PDZRN4: variants seen among roughly 807,000 people sequenced by gnomAD.
PDZRN4 encodes PDZ domain containing ring finger 4.
PDZRN4 carries 70 observed loss-of-function variants against 99.0 expected under a neutral mutation model. The ratio of observed to expected loss-of-function variants is 0.71; its 90% CI spans 0.58 to 0.86. PDZRN4 has a LOEUF of 0.86. PDZRN4 is among the 40% of genes least tolerant of loss of function. The pLI, the probability that PDZRN4 is intolerant of heterozygous loss-of-function variation, is 0.00. For missense variants in PDZRN4, 1,474 were observed against 1,331.2 expected, an observed-to-expected ratio of 1.11 and a Z score of -1.67; for synonymous variants, 551 against 501.6, an observed-to-expected ratio of 1.10 and a Z score of -1.32.
rs10580466 is a variant in PDZRN4 at position 41,520,619 on chromosome 12, GACACACACAC to G, written c.1203+10742_1203+10751del. ...TTTCCAGTAAACATGCCTAAATACA[GACACACACAC>G]ACACACACACACACACACACACACA... On this transcript the variant is annotated intron_variant, in intron 5 of 9. Transcript: ENST00000402685. Among the ~76,000 whole-genome samples, 1,574 of 137,358 alleles carry G rather than the reference GACACACACAC, an allele frequency of 0.011. 47 individuals are homozygous for G. The East Asian group carries it at 0.14, about 12-fold the overall frequency. 90.1% of individuals were successfully genotyped at this position (137,358 alleles called of 152,430 possible).
intron 8 of PDZRN4, among the ~76,000 whole-genome samples, chr12:41,565,286 C>T (rs1284861601): frequency 1.3e-5 from 2 of 151,852 alleles, no homozygotes; most frequent in East Asian, 1.9e-4. Flanking sequence ...CTGCATTAGC[C>T]CCTTGATCCT....
intron 5 of PDZRN4, among the ~76,000 whole-genome samples, chr12:41,541,834 T>C (rs746114321): frequency 2.0e-5 from 3 of 152,236 alleles, no homozygotes; most frequent in Non-Finnish European, 4.4e-5. Flanking sequence ...CTTTTATCCC[T>C]GACAATCCTC....
rs192670518 is a variant in PDZRN4 at position 41,506,470 on chromosome 12, T to A, written c.858T>A (p.Asp286Glu). 8.1e-6 allele frequency: 13 copies of A among 1,612,244 alleles called. No individual in the cohort carries two copies. The highest frequency in any genetic ancestry group is 1.7e-6 in the Non-Finnish European group (2 of 1,179,062). Residue 286 changes from aspartate (D) to glutamate (E), a missense_variant, in exon 4 of 10, where the codon GAT becomes GAA. Asp to Glu is a conservative substitution (Grantham distance 45). Coordinates refer to ENST00000402685, the MANE Select transcript of PDZRN4 (RefSeq NM_001164595.2). ...HDKIMEVNGK[D>E]LSKATHEEAV... ...TATGTTTGTAGGTCAATGGGAAGGA[T>A]CTTTCAAAGGCCACTCATGAAGAGG... is the stretch of plus-strand genomic sequence containing the variant.
chr12:41,210,956 T>A (rs187034529), intron 3 of PDZRN4, among the ~76,000 whole-genome samples: 112 of 152,140 alleles, frequency 7.4e-4, no homozygotes, highest in African/African-American at 2.5e-3. Context: ...TTTATAGCTC[T>A]TCTCTCTAAG....
chr12:41,307,976 A>G (rs1308633632), intron 3 of PDZRN4, among the ~76,000 whole-genome samples: 3 of 152,148 alleles, frequency 2.0e-5, no homozygotes, highest in African/African-American at 7.2e-5. Context: ...GCTTAGGTTA[A>G]GTACTTTTCT....
chr12:41,544,892 C>T (rs1292449293), intron 5 of PDZRN4, among the ~76,000 whole-genome samples: 1 of 152,102 alleles, frequency 6.6e-6, no homozygotes, highest in African/African-American at 2.4e-5. Context: ...ATCCCAACTC[C>T]ACTTTTGACT....
intron 3 of PDZRN4, among the ~76,000 whole-genome samples, chr12:41,352,048 T>TAGGA (rs1419122718): frequency 6.6e-6 from 1 of 151,054 alleles, no homozygotes; most frequent in Non-Finnish European, 1.5e-5. Flanking sequence ...AGCTGGGAAA[T>TAGGA]AAATAGCATG....
chr12:41,469,377 G>A (rs1952963586), intron 3 of PDZRN4, among the ~76,000 whole-genome samples: 1 of 152,156 alleles, frequency 6.6e-6, no homozygotes, highest in Non-Finnish European at 1.5e-5. Context: ...CTTACCCTAT[G>A]TGAATCTTAC....
chr12:41,274,000 G>T (rs1951333261), intron 3 of PDZRN4, among the ~76,000 whole-genome samples: 1 of 151,982 alleles, frequency 6.6e-6, no homozygotes, highest in Non-Finnish European at 1.5e-5. Context: ...TCTTTACTTT[G>T]TCATAAAAGG....
chr12:41,515,453 T>C (rs2730812), intron 5 of PDZRN4, among the ~76,000 whole-genome samples: 23,943 of 151,896 alleles, frequency 0.16, 2,253 homozygotes, highest in African/African-American at 0.27. Flanking sequence ...ATCACCTTCA[T>C]AAGTGCCGTT....
chr12:41,222,418 C>T (rs940493483), intron 3 of PDZRN4, among the ~76,000 whole-genome samples: 8 of 152,120 alleles, frequency 5.3e-5, no homozygotes, highest in African/African-American at 1.9e-4. Flanking sequence ...TGTACTCGGT[C>T]ACACAGAAAT....
chr12:41,334,196 C>T (rs1951757941), intron 3 of PDZRN4, among the ~76,000 whole-genome samples: 1 of 152,068 alleles, frequency 6.6e-6, no homozygotes, highest in African/African-American at 2.4e-5. Context: ...GCTGGCCTCA[C>T]ACCAGTCTGA....
In PDZRN4 at chr12:41,563,539, GT is replaced by G. The variant is rs769092888; in HGVS notation, c.1366-5del. 6.2e-7 allele frequency: 1 copy of G among 1,601,540 alleles called. No individual in the cohort carries two copies. The highest frequency in any genetic ancestry group is 1.7e-5 in the Admixed American group (1 of 59,920). ...GGAAACTAATGTGCCACTCTCATTT[GT>G]TTTCTAGATAAATGGGGAAGATGTC... is the stretch of plus-strand genomic sequence containing the variant. On this transcript the variant is annotated splice_region_variant and splice_polypyrimidine_tract_variant and intron_variant, in intron 7 of 9. Transcript: ENST00000402685.
chr12:41,537,574 T>G (rs979797624), intron 5 of PDZRN4, among the ~76,000 whole-genome samples: 1 of 152,114 alleles, frequency 6.6e-6, no homozygotes, highest in Non-Finnish European at 1.5e-5. Context: ...TTGTTTGAGA[T>G]CAGATTACAG....
At chr12:41,328,252 G>A (rs1951722228) in intron 3 of PDZRN4, among the ~76,000 whole-genome samples, 1 of 152,074 alleles carries the variant, frequency 6.6e-6, no homozygotes, top group Admixed American at 6.6e-5. Context: ...TTTGGTATTT[G>A]ATGGCTATGC....
chr12:41,226,203 C>A (rs1481684434), intron 3 of PDZRN4, among the ~76,000 whole-genome samples: 2 of 152,046 alleles, frequency 1.3e-5, no homozygotes, highest in African/African-American at 4.8e-5. Context: ...AGCTTCATGG[C>A]TTTGCTCCAA....
intron 3 of PDZRN4, among the ~76,000 whole-genome samples, chr12:41,337,571 G>A (rs1033616726): frequency 2.0e-5 from 3 of 152,120 alleles, no homozygotes; most frequent in Non-Finnish European, 4.4e-5. Flanking sequence ...GAGGAGCAAT[G>A]GAGCTTGGTT....
chr12:41,189,112 AG>A lies in PDZRN4; in HGVS notation c.648+15del, dbSNP rs776151759. ...GTGGCGGCCACCGCAGGGTAAGCAA[AG>A]GGGGGTGGGCACCGCGGGCATGGTC... On this transcript the variant is annotated intron_variant, in intron 1 of 9. Coordinates refer to ENST00000402685, the MANE Select transcript of PDZRN4 (RefSeq NM_001164595.2). 3.8e-6 allele frequency: 6 copies of A among 1,574,440 alleles called. No individual in the cohort carries two copies. Among genetic ancestry groups the A allele is most frequent in the South Asian group, 2.3e-5 (2 of 87,176 alleles).
intron 3 of PDZRN4, among the ~76,000 whole-genome samples, chr12:41,270,297 GTGTC>G (rs1451462195): frequency 2.0e-5 from 3 of 148,702 alleles, no homozygotes; most frequent in African/African-American, 7.6e-5. Flanking sequence ...GTGTGTGTGT[GTGTC>G]TGTGTGTGTG....
Sources: allele counts gnomAD v4.1 joint callset (sites outside exome capture counted in the v4.1 genomes callset), GRCh38; gene constraint gnomAD v4.1.1; transcripts MANE v1.5; gene names NCBI Gene and HGNC (gene_info 2026-07-23, HGNC 2026-07-21).